PLEKHA7: variants seen among roughly 807,000 people sequenced by gnomAD.
PLEKHA7 encodes pleckstrin homology domain-containing family A member 7.
Under a neutral mutation model 170.0 loss-of-function variants are expected in PLEKHA7, and 104 were observed. The ratio of observed to expected loss-of-function variants is 0.61; its 90% CI spans 0.52 to 0.72. The LOEUF (loss-of-function observed/expected upper bound fraction) is 0.72. Ranked by LOEUF, PLEKHA7 falls within the 30% of genes least tolerant of loss-of-function variation. The pLI is 0.00. For synonymous variants in PLEKHA7, 648 were observed against 660.8 expected (o/e 0.98, Z 0.30); for missense variants, 1,615 against 1,671.7 (o/e 0.97, Z 0.59).
At chr11:16,956,956 G>C (rs1400426728) in intron 3 of PLEKHA7, among the ~76,000 whole-genome samples, 1 of 152,176 alleles carries the variant, frequency 6.6e-6, no homozygotes, top group Non-Finnish European at 1.5e-5. Flanking sequence ...GAAAGTGGTA[G>C]GTTTAAGTTT....
At chr11:16,790,057 G>T (rs1379250234) in intron 21 of PLEKHA7, 179 bp from the exon 22 acceptor site, 1 of 617,988 alleles carries the variant, frequency 1.6e-6, no homozygotes, top group East Asian at 2.8e-5. Flanking sequence ...ATGGGGGCCA[G>T]CCCAGGGGTG....
chr11:16,810,284 C>T (rs947986863), intron 13 of PLEKHA7, among the ~76,000 whole-genome samples: 23 of 152,254 alleles, frequency 1.5e-4, no homozygotes, highest in African/African-American at 5.3e-4. Flanking sequence ...CTTCCTTCAT[C>T]TGGATCTTGA....
Position 16,789,139 on chromosome 11 carries a change from G to A in PLEKHA7, c.3314C>T (p.Ser1105Leu). 3 of 1,609,740 alleles carry A rather than the reference G, an allele frequency of 1.9e-6. No individual in the cohort carries two copies. The highest frequency in any genetic ancestry group is 2.5e-6 in the Non-Finnish European group (3 of 1,179,996). Residue 1105 changes from serine to leucine, a missense_variant, in exon 23 of 27, where the codon TCA (serine) becomes TTA (leucine). Ser to Leu is a moderately radical substitution (Grantham distance 145). Transcript: ENST00000531066. The surrounding 1 kb of genome is among the most constrained non-coding windows in gnomAD (Gnocchi z 4.6). ...GAGCGGCCGGCTGAGGTAGCGAGAT[G>A]AGGGCAGGCCCGTCCTCTCCCCTTG... ...LGQGERTGLP[S>L]SRYLSRPLPG... is the part of the protein sequence containing the mutation.
chr11:16,921,043 A>G (rs1051776207), intron 3 of PLEKHA7, among the ~76,000 whole-genome samples: 1 of 152,266 alleles, frequency 6.6e-6, no homozygotes, highest in Non-Finnish European at 1.5e-5. Flanking sequence ...TTAATGAGCA[A>G]TGCCTGTGTC....
intron 21 of PLEKHA7, chr11:16,790,411 G>A (rs966777424): frequency 1.9e-5 from 4 of 211,122 alleles, no homozygotes; most frequent in Non-Finnish European, 2.9e-5. Flanking sequence ...ATTGTCTTCC[G>A]GTTCCACCAA....
chr11:17,006,167 T>G lies in PLEKHA7; in HGVS notation c.221+7822A>C, dbSNP rs563330728. Among the ~76,000 whole-genome samples the G allele has an allele frequency of 3.3e-5, 5 of 151,528 alleles. No individual in the cohort carries two copies. The South Asian group carries it at 1.0e-3, about 32-fold the overall frequency. ...GGGTGGACAGCCTGAGGTCAGGAGT[T>G]CAAGACCAGCCTGACCAACATGTGA... On this transcript the variant is annotated intron_variant, in intron 3 of 26. Transcript: ENST00000531066.
chr11:16,891,558 AT>A (rs1405179320), intron 3 of PLEKHA7, among the ~76,000 whole-genome samples: 1 of 152,196 alleles, frequency 6.6e-6, no homozygotes, highest in East Asian at 1.9e-4. Flanking sequence ...CAGAATCTGT[AT>A]TAGTTTAGTG....
intron 10 of PLEKHA7, among the ~76,000 whole-genome samples, chr11:16,821,963 G>C (rs1850250795): frequency 6.6e-6 from 1 of 150,436 alleles, no homozygotes; most frequent in African/African-American, 2.4e-5. Flanking sequence ...CTACAGACCT[G>C]ATGTCTCCCT....
chr11:16,992,077 C>CA (rs1161686098), intron 3 of PLEKHA7, among the ~76,000 whole-genome samples: 1 of 151,512 alleles, frequency 6.6e-6, no homozygotes, highest in Non-Finnish European at 1.5e-5. Context: ...GTCCAGGGAC[C>CA]CCCCCCAGCC....
At chr11:16,985,051 C>A (rs1343685537) in intron 3 of PLEKHA7, among the ~76,000 whole-genome samples, 1 of 152,214 alleles carries the variant, frequency 6.6e-6, no homozygotes, top group Non-Finnish European at 1.5e-5. Flanking sequence ...CCATAAGTGT[C>A]TTGGGTGCCA....
chr11:16,964,009 A>G (rs1305338544), intron 3 of PLEKHA7, among the ~76,000 whole-genome samples: 1 of 152,166 alleles, frequency 6.6e-6, no homozygotes, highest in East Asian at 1.9e-4. Flanking sequence ...CCTCTAATCT[A>G]CTTTCTGTTT....
In PLEKHA7 at chr11:16,789,342, G is replaced by GTCCTCTGCGTGCCCA; in HGVS notation, c.3157-47_3157-46insTGGGCACGCAGAGGA. ...AAGAGAGACACAGAACAGCTGGGCT[G>GTCCTCTGCGTGCCCA]GGCACGCAGAGGACAGCCACCCTGC... On this transcript the variant is annotated intron_variant, in intron 22 of 26. Coordinates refer to ENST00000531066, the MANE Select transcript of PLEKHA7 (RefSeq NM_001329630.2). This position sits in a 1 kb window ranked among gnomAD's most constrained non-coding sequence, Gnocchi z 4.6. 1 of 1,589,540 alleles carries GTCCTCTGCGTGCCCA rather than the reference G, an allele frequency of 6.3e-7. No homozygotes were observed. Among genetic ancestry groups the GTCCTCTGCGTGCCCA allele is most frequent in the Non-Finnish European group, 8.6e-7 (1 of 1,163,252 alleles).
intron 23 of PLEKHA7, chr11:16,786,918 C>T: frequency 1.0e-6 from 1 of 985,264 alleles, no homozygotes. Context: ...GAGGTACAAG[C>T]AAAAGCAGCT....
chr11:16,832,406 A>G (rs1470620177), intron 9 of PLEKHA7, among the ~76,000 whole-genome samples: 1 of 152,104 alleles, frequency 6.6e-6, no homozygotes, highest in Admixed American at 6.5e-5. Context: ...GCAAATTCTT[A>G]TTTTCCCTTG....
intron 8 of PLEKHA7, 78 bp from the exon 9 acceptor site, chr11:16,841,800 C>T: frequency 7.0e-7 from 1 of 1,427,416 alleles, no homozygotes; most frequent in Non-Finnish European, 9.5e-7. Context: ...CAAGGAGGCA[C>T]TATGGCCCTT....
rs564529814 is a variant in PLEKHA7 at position 16,856,842 on chromosome 11, A to G, written c.306-928T>C. Among the ~76,000 whole-genome samples the G allele has an allele frequency of 1.9e-3, 286 of 152,304 alleles. 1 individual carries two copies. The highest frequency in any genetic ancestry group is 6.6e-3 in the African/African-American group (275 of 41,574). The stretch of plus-strand genomic sequence containing the variant: ...GATCAGCAAGCCTTCCTCAAAGTGG[A>G]AGTCTCCACGCTCTGTCCAATGCTC... On this transcript the variant is annotated intron_variant, in intron 4 of 26. Coordinates refer to ENST00000531066, the MANE Select transcript of PLEKHA7 (RefSeq NM_001329630.2).
intron 3 of PLEKHA7, among the ~76,000 whole-genome samples, chr11:16,947,599 AAAAAG>A (rs1229698036): frequency 7.7e-4 from 107 of 138,788 alleles, no homozygotes; most frequent in Non-Finnish European, 1.0e-3. Flanking sequence ...TAAAAAAAAA[AAAAAG>A]AAAGAAAGAA....
intron 19 of PLEKHA7, among the ~76,000 whole-genome samples, chr11:16,794,126 C>G (rs993659664): frequency 6.6e-6 from 1 of 152,020 alleles, no homozygotes; most frequent in African/African-American, 2.4e-5. Flanking sequence ...TGCAGGAGAG[C>G]CCCCTGCGGA....
chr11:16,924,286 GGA>G (rs1480515204), intron 3 of PLEKHA7, among the ~76,000 whole-genome samples: 1 of 152,190 alleles, frequency 6.6e-6, no homozygotes, highest in Non-Finnish European at 1.5e-5. Context: ...GAGGGGCCTG[GGA>G]GAGACAAGTC....
Sources: allele counts gnomAD v4.1 joint callset (sites outside exome capture counted in the v4.1 genomes callset), GRCh38; gene constraint gnomAD v4.1.1; non-coding constraint Gnocchi (gnomAD v3.1); transcripts MANE v1.5; gene names NCBI Gene and HGNC (gene_info 2026-07-23, HGNC 2026-07-21).